The following KIAA0586 variants were observed in gnomAD, a reference collection of about 807,000 sequenced individuals.
KIAA0586 encodes the protein protein TALPID3.
A neutral mutation model predicts 169.8 loss-of-function variants in KIAA0586; 144 were observed. The ratio of observed to expected loss-of-function variants is 0.85; its 90% CI spans 0.74 to 0.97. KIAA0586 has a LOEUF of 0.97. Ranked by LOEUF, KIAA0586 falls within the 50% of genes least tolerant of loss-of-function variation. The pLI is 0.00. For synonymous variants in KIAA0586, 625 were observed against 612.4 expected (o/e 1.02, Z -0.30); for missense variants, 1,854 against 1,823.0 (o/e 1.02, Z -0.31).
At chr14:58,454,202 C>A (rs2039631944) in intron 9 of KIAA0586, among the ~76,000 whole-genome samples, 1 of 152,024 alleles carries the variant, frequency 6.6e-6, no homozygotes, top group African/African-American at 2.4e-5. Flanking sequence ...GAGTTATTTT[C>A]TTCGTGGTCA....
chr14:58,557,312 T>C, the KIAA0586 span, among the ~76,000 whole-genome samples: 1 of 152,170 alleles, frequency 6.6e-6, no homozygotes, highest in Non-Finnish European at 1.5e-5. Context: ...CCTCCTTATA[T>C]AGAAGAGGGA....
At chr14:58,539,642 A>G (rs186335630) in intron 29 of KIAA0586, among the ~76,000 whole-genome samples, 12 of 152,220 alleles carry the variant, frequency 7.9e-5, no homozygotes, top group African/African-American at 2.6e-4. Flanking sequence ...GTTGTTTCCT[A>G]CGGATTGTAT....
In KIAA0586 at chr14:58,474,721, A is replaced by G. The variant is rs1157326564; in HGVS notation, c.2749A>G (p.Thr917Ala). The G allele has an allele frequency of 8.1e-6, 13 of 1,613,486 alleles. No individual in the cohort carries two copies. Among genetic ancestry groups the G allele is most frequent in the East Asian group, 4.5e-5 (2 of 44,836 alleles). The change falls in exon 19 of 31, where the codon ACT becomes GCT. Residue 917 changes from threonine to alanine, a missense_variant. Coordinates refer to ENST00000652326, the MANE Select transcript of KIAA0586 (RefSeq NM_001329943.3). ...NGPPFPPVAS[T>A]FQPTADILDK... ...TCCTCCATTTCCGCCAGTTGCTTCT[A>G]CTTTTCAGCCCACTGCTGATATTCT...
chr14:58,440,611 C>T (rs570577460), intron 4 of KIAA0586, among the ~76,000 whole-genome samples: 1 of 152,336 alleles, frequency 6.6e-6, no homozygotes, highest in Non-Finnish European at 1.5e-5. Context: ...GGATTACAGG[C>T]GTGAGCCACT....
chr14:58,480,908 T>C (rs2041988614), intron 20 of KIAA0586, among the ~76,000 whole-genome samples: 1 of 152,234 alleles, frequency 6.6e-6, no homozygotes, highest in African/African-American at 2.4e-5. Flanking sequence ...TTTTACAAAT[T>C]GGGTATTTAG....
rs1326755215 is a variant in KIAA0586, at chr14:58,551,075, G to A, written c.*3143G>A. On this transcript the variant is annotated 3_prime_UTR_variant, in exon 31 of 31. Transcript: ENST00000652326. ...ATGGTGGCGTGTGCCTGTAATCCCA[G>A]CTACTTGGGAGGCTGAGGCAGGAGA... The A allele has an allele frequency of 6.6e-6, 1 of 152,102 alleles. No individual in the cohort carries two copies. The highest frequency in any genetic ancestry group is 2.4e-5 in the African/African-American group (1 of 41,348). The allele number at this position is 152,102 out of a possible 1,614,324, so 9.4% of individuals were successfully genotyped here.
chr14:58,499,191 A>AT (rs1874333031), intron 27 of KIAA0586, among the ~76,000 whole-genome samples: 1 of 152,168 alleles, frequency 6.6e-6, no homozygotes, highest in Non-Finnish European at 1.5e-5. Context: ...ATGTGAATTA[A>AT]TTTTGGTAAT....
chr14:58,505,782 A>T (rs1264837769), intron 27 of KIAA0586, among the ~76,000 whole-genome samples: 1 of 152,024 alleles, frequency 6.6e-6, no homozygotes, highest in Non-Finnish European at 1.5e-5. Context: ...TTTTCTTGTT[A>T]GTTTTAAAGC....
At chr14:58,531,184 G>A (rs1316941221) in intron 29 of KIAA0586, among the ~76,000 whole-genome samples, 7 of 151,362 alleles carry the variant, frequency 4.6e-5, no homozygotes, top group South Asian at 2.1e-4. Context: ...AAAATTAGCC[G>A]GGCATGGTGG....
At chr14:58,530,785 A>G (rs1458537006) in intron 29 of KIAA0586, among the ~76,000 whole-genome samples, 3 of 152,238 alleles carry the variant, frequency 2.0e-5, no homozygotes, top group Non-Finnish European at 4.4e-5. Flanking sequence ...GGCATGGGCA[A>G]AGACCTCATG....
downstream of KIAA0586, among the ~76,000 whole-genome samples, chr14:58,553,135 C>T (rs2140173917): frequency 6.6e-6 from 1 of 152,294 alleles, no homozygotes; most frequent in Non-Finnish European, 1.5e-5. Flanking sequence ...TGACTTTTCT[C>T]TCCAGATAAA....
intron 29 of KIAA0586, chr14:58,537,053 A>G: frequency 7.9e-7 from 1 of 1,270,210 alleles, no homozygotes; most frequent in Non-Finnish European, 1.0e-6. Context: ...AAACTTGAGA[A>G]GCAGTTTTCA....
intron 28 of KIAA0586, 109 bp downstream of exon 28, chr14:58,508,818 A>G: frequency 1.3e-6 from 1 of 758,430 alleles, no homozygotes; most frequent in South Asian, 1.8e-5. Flanking sequence ...ATAGCTTCAA[A>G]TCATGCCTCC....
intron 4 of KIAA0586, chr14:58,433,100 GT>G: frequency 6.6e-6 from 1 of 151,796 alleles, no homozygotes; most frequent in African/African-American, 2.4e-5. Flanking sequence ...TTTTGTTTTT[GT>G]TTTTTTTAAG....
chr14:58,509,988 G>A (rs1034942527), intron 28 of KIAA0586, among the ~76,000 whole-genome samples: 1 of 152,068 alleles, frequency 6.6e-6, no homozygotes, highest in Non-Finnish European at 1.5e-5. Context: ...TCAATATTAA[G>A]AAAACAAACA....
intron 14 of KIAA0586, among the ~76,000 whole-genome samples, chr14:58,465,482 T>C (rs762970143): frequency 3.3e-5 from 5 of 152,182 alleles, no homozygotes; most frequent in Non-Finnish European, 7.3e-5. Flanking sequence ...ACAAGTTGTA[T>C]GTCTATTCAG....
chr14:58,558,742 T>C, the KIAA0586 span, among the ~76,000 whole-genome samples: 1 of 152,342 alleles, frequency 6.6e-6, no homozygotes, highest in East Asian at 1.9e-4. Flanking sequence ...CATAATTCTA[T>C]TGATTGCTCT....
chr14:58,535,726 A>ATTTTT lies in KIAA0586; in HGVS notation c.4430-4345_4430-4344insTTTTT, dbSNP rs2046243677. On this transcript the variant is annotated intron_variant, in intron 29 of 30. Transcript: ENST00000652326. ...TTTTTTTTTTTTTTTTAGTGAACTC[A>ATTTTT]AATTAGTATAAAAATGTAGCTATCC... Among the ~76,000 whole-genome samples, 8 of 150,592 alleles carry ATTTTT rather than the reference A, an allele frequency of 5.3e-5. No homozygotes were observed. The South Asian group carries it at 1.5e-3, about 28-fold the overall frequency.
chr14:58,495,346 C>G (rs1595372415), intron 26 of KIAA0586, among the ~76,000 whole-genome samples: 1 of 151,990 alleles, frequency 6.6e-6, no homozygotes. Flanking sequence ...GTCTGTTGTT[C>G]AGGCTGGAGT....
Sources: allele counts gnomAD v4.1 joint callset (sites outside exome capture counted in the v4.1 genomes callset), GRCh38; gene constraint gnomAD v4.1.1; transcripts MANE v1.5; gene names NCBI Gene and HGNC (gene_info 2026-07-23, HGNC 2026-07-21).